Variants in AK9 observed in about 807,000 individuals in gnomAD.
The protein encoded by AK9 is adenylate kinase 9.
A neutral mutation model predicts 239.6 loss-of-function variants in AK9; 191 were observed. That is an observed-to-expected ratio of 0.80 (90% confidence interval 0.71 to 0.90). The LOEUF is 0.90. Among genes scored for constraint, AK9 ranks in the 40% least tolerant of loss-of-function variants. AK9 has a pLI of 0.00. For missense variants in AK9, 1,995 were observed against 2,214.7 expected, an observed-to-expected ratio of 0.90 and a Z score of 1.99; for synonymous variants, 689 against 721.0, an observed-to-expected ratio of 0.96 and a Z score of 0.71.
At chr6:109,670,810 A>C (rs916973689) in intron 5 of AK9, among the ~76,000 whole-genome samples, 7 of 152,160 alleles carry the variant, frequency 4.6e-5, no homozygotes, top group African/African-American at 1.7e-4. Flanking sequence ...CTTTTTACTT[A>C]TCCAGCCTTC....
At chr6:109,531,658 A>T (rs906773622) in intron 28 of AK9, among the ~76,000 whole-genome samples, 5 of 152,150 alleles carry the variant, frequency 3.3e-5, no homozygotes, top group African/African-American at 1.2e-4. Context: ...CATCACGGAG[A>T]TTTCTGTGTT....
At chr6:109,514,507 G>A in intron 31 of AK9, 70 bp from the exon 32 acceptor site, 11 of 1,301,158 alleles carry the variant, frequency 8.5e-6, no homozygotes, top group African/African-American at 1.5e-5. Context: ...AAACATATTT[G>A]AAAAAAACAA....
At chr6:109,648,721 A>C (rs1013204032) in intron 8 of AK9, among the ~76,000 whole-genome samples, 1 of 152,226 alleles carries the variant, frequency 6.6e-6, no homozygotes, top group African/African-American at 2.4e-5. Context: ...AAAAGAGGGA[A>C]TCCTCCCTAA....
chr6:109,494,218 G>A, intron 39 of AK9, 123 bp from the exon 40 acceptor site: 5 of 583,562 alleles, frequency 8.6e-6, no homozygotes, highest in East Asian at 2.8e-5. Context: ...GTGGGGATGG[G>A]GCTTATAAAT....
intron 21 of AK9, 60 bp downstream of exon 21, chr6:109,573,382 C>A: frequency 6.8e-7 from 1 of 1,477,896 alleles, no homozygotes; most frequent in South Asian, 1.4e-5. Flanking sequence ...TACACATACC[C>A]AAACAGACAC....
In AK9 at chr6:109,614,382, T is replaced by A. The variant is rs1336442997; in HGVS notation, c.1495+3A>T. 3.2e-6 allele frequency: 5 copies of A among 1,550,736 alleles called. No individual in the cohort carries two copies. The African/African-American group carries it at 4.1e-5, about 13-fold the overall frequency. ...CAATAACATCAGCAATATATTTCTT[T>A]ACCTTCTTCATCAATTGATGAGTGT... On this transcript the variant is annotated splice_donor_region_variant and intron_variant, in intron 14 of 40. Coordinates refer to ENST00000424296, the MANE Select transcript of AK9 (RefSeq NM_001145128.3).
chr6:109,622,183 T>G (rs1465339101), intron 12 of AK9, among the ~76,000 whole-genome samples: 1 of 145,786 alleles, frequency 6.9e-6, no homozygotes, highest in East Asian at 2.0e-4. Flanking sequence ...TTTTATACAT[T>G]ATATATAATA....
intron 12 of AK9, among the ~76,000 whole-genome samples, chr6:109,630,247 A>T (rs9372222): frequency 0.58 from 88,561 of 151,962 alleles, 27,492 homozygotes; most frequent in South Asian, 0.84. Flanking sequence ...ACTCCAAATT[A>T]TTACTAACAT....
At chr6:109,501,558 T>G (rs1777607166) in intron 35 of AK9, among the ~76,000 whole-genome samples, 2 of 152,242 alleles carry the variant, frequency 1.3e-5, no homozygotes, top group Admixed American at 6.5e-5. Context: ...GGCAGGCATT[T>G]AAAACCATTG....
intron 5 of AK9, among the ~76,000 whole-genome samples, chr6:109,663,385 C>A (rs183301577): frequency 6.6e-6 from 1 of 152,218 alleles, no homozygotes; most frequent in Admixed American, 6.5e-5. Flanking sequence ...CTTGGAAGAA[C>A]AACAGACAAA....
At chr6:109,630,203 T>C (rs1318324064) in intron 12 of AK9, among the ~76,000 whole-genome samples, 1 of 152,088 alleles carries the variant, frequency 6.6e-6, no homozygotes, top group African/African-American at 2.4e-5. Context: ...ACCCATCAAA[T>C]ACCCAGAGGT....
intron 5 of AK9, 116 bp downstream of exon 5, chr6:109,671,803 T>G: frequency 6.5e-6 from 5 of 771,422 alleles, no homozygotes; most frequent in East Asian, 2.6e-5. Context: ...ATAGAGATAA[T>G]GAGATTCTTA....
intron 1 of AK9, among the ~76,000 whole-genome samples, chr6:109,676,042 T>C (rs1771710320): frequency 1.3e-5 from 2 of 152,122 alleles, no homozygotes. Context: ...GTGTGTATTA[T>C]ATTAAAAACC....
At chr6:109,619,481 T>C (rs1286440199) in intron 12 of AK9, among the ~76,000 whole-genome samples, 1 of 152,142 alleles carries the variant, frequency 6.6e-6, no homozygotes, top group African/African-American at 2.4e-5. Context: ...ATGTAGTATA[T>C]ATATTCAGAT....
intron 20 of AK9, among the ~76,000 whole-genome samples, chr6:109,574,413 G>A (rs1200768191): frequency 2.0e-5 from 3 of 151,684 alleles, no homozygotes; most frequent in East Asian, 1.9e-4. Flanking sequence ...ACTAGTAGCC[G>A]GTTTAATAAC....
intron 1 of AK9, among the ~76,000 whole-genome samples, chr6:109,688,287 C>T (rs1460887058): frequency 6.6e-6 from 1 of 152,160 alleles, no homozygotes; most frequent in Non-Finnish European, 1.5e-5. Flanking sequence ...CATTCAGTGA[C>T]AAATTGATTA....
At chr6:109,542,002 CAAAT>C (rs1458965979) in intron 27 of AK9, 41 bp downstream of exon 27, 13 of 1,431,372 alleles carry the variant, frequency 9.1e-6, no homozygotes, top group Non-Finnish European at 1.2e-5. Flanking sequence ...AAGAATAAAA[CAAAT>C]AAAAGCAAAT....
In AK9 at chr6:109,493,534, C is replaced by CT; in HGVS notation, c.5570dup (p.Tyr1858ValfsTer2). 1 of 1,613,968 alleles carries CT rather than the reference C, an allele frequency of 6.2e-7. No individual in the cohort carries two copies. Among genetic ancestry groups the CT allele is most frequent in the East Asian group, 2.2e-5 (1 of 44,874 alleles). ...TAAACTGCTCCATCTTCTTCTTATA[C>CT]TTTTTTCTTGTGTATTCGGAACCTT... On this transcript the variant is annotated frameshift_variant, in exon 41 of 41. Transcript: ENST00000424296. LOFTEE classifies it high-confidence loss of function.
rs148297282 is a variant in AK9, at chr6:109,562,759, T to A, written c.2751+838A>T. Among the ~76,000 whole-genome samples, 262 of 148,952 alleles carry A rather than the reference T, an allele frequency of 1.8e-3. 1 individual carries two copies. Among genetic ancestry groups the A allele is most frequent in the Middle Eastern group, 3.4e-3 (1 of 292 alleles). ...TCTGTGAATTGGGAGGGTTTTTTTT[T>A]AATATTATTAATGAAGACTATACTT... On this transcript the variant is annotated intron_variant, in intron 24 of 40. Coordinates refer to ENST00000424296, the MANE Select transcript of AK9 (RefSeq NM_001145128.3).
Sources: gnomAD v4.1 joint callset for allele counts (sites outside exome capture counted in the v4.1 genomes callset) on GRCh38, gnomAD v4.1.1 for gene constraint, MANE v1.5 for transcripts, NCBI Gene and HGNC (gene_info 2026-07-23, HGNC 2026-07-21) for gene names.